Variants in PIWIL2 observed in about 807,000 individuals in gnomAD.
PIWIL2 encodes the protein piwi-like protein 2.
PIWIL2 carries 81 observed loss-of-function variants against 116.5 expected under a neutral mutation model. That is an observed-to-expected ratio of 0.70 (90% CI 0.58 to 0.84). The LOEUF (loss-of-function observed/expected upper bound fraction) is 0.84. PIWIL2 is among the 40% of genes least tolerant of loss of function. The pLI is 0.00. For synonymous variants in PIWIL2, 489 were observed against 429.5 expected (o/e 1.14, Z -1.71); for missense variants, 1,272 against 1,212.3 (o/e 1.05, Z -0.73).
chr8:22,285,925 A>G (rs1190085884), intron 6 of PIWIL2, among the ~76,000 whole-genome samples: 1 of 152,156 alleles, frequency 6.6e-6, no homozygotes, highest in African/African-American at 2.4e-5. Context: ...GATTACCGGC[A>G]TGAGCCACCA....
intron 10 of PIWIL2, among the ~76,000 whole-genome samples, chr8:22,301,737 T>TA (rs397807885): frequency 6.6e-6 from 1 of 151,942 alleles, no homozygotes; most frequent in Non-Finnish European, 1.5e-5. Flanking sequence ...TTTTTTTTTT[T>TA]AGGTTTATAG....
Position 22,304,067 on chromosome 8 carries a change from A to G in PIWIL2, c.1228A>G (p.Thr410Ala). The part of the protein sequence containing the change: ...QNKEHFQDEC[T>A]KLLVGNIVIT... Reference sequence around the variant, plus strand: ...TAAAGAACACTTCCAGGATGAGTGTACTAAGCTTCTGGTTGGCAATATTGT... The same window carrying G: ...TAAAGAACACTTCCAGGATGAGTGTGCTAAGCTTCTGGTTGGCAATATTGT... Residue 410 changes from threonine (T) to alanine (A), a missense_variant, in exon 11 of 23, where the codon ACT (threonine) becomes GCT (alanine). Transcript: ENST00000356766. The G allele has an allele frequency of 6.2e-7, 1 of 1,613,550 alleles. No homozygotes were observed. The highest frequency in any genetic ancestry group is 8.5e-7 in the Non-Finnish European group (1 of 1,179,492).
intron 20 of PIWIL2, among the ~76,000 whole-genome samples, chr8:22,346,977 C>G (rs1277048500): frequency 4.6e-5 from 7 of 151,758 alleles, no homozygotes; most frequent in Non-Finnish European, 8.8e-5. Context: ...AGTTCAAGAC[C>G]AGCCTGGACA....
chr8:22,277,112 C>T (rs1470436298), intron 1 of PIWIL2, among the ~76,000 whole-genome samples: 1 of 151,958 alleles, frequency 6.6e-6, no homozygotes, highest in Non-Finnish European at 1.5e-5. Flanking sequence ...ACCTCCGCCT[C>T]CTGGGTTCAA....
rs1586528200 is a variant in PIWIL2, at chr8:22,279,645, A to G, written c.198+61A>G. Reference sequence around the variant, plus strand: ...AGCTTACCTGTGTGCCGTCAGAGGAAGTAATGGATTTCAAAGTGCTTGCAG... The same window carrying G: ...AGCTTACCTGTGTGCCGTCAGAGGAGGTAATGGATTTCAAAGTGCTTGCAG... On this transcript the variant is annotated intron_variant, in intron 2 of 22. Transcript: ENST00000356766. 4.0e-6 allele frequency: 6 copies of G among 1,489,060 alleles called. No individual in the cohort carries two copies. The East Asian group carries it at 6.8e-5, about 17-fold the overall frequency. 92.2% of individuals were successfully genotyped at this position (1,489,060 alleles called of 1,614,324 possible). A position where few individuals can be genotyped will look rare whatever the true frequency, so the allele number is the denominator to read the frequency against.
intron 20 of PIWIL2, among the ~76,000 whole-genome samples, chr8:22,341,103 C>T (rs766186571): frequency 2.0e-5 from 3 of 152,084 alleles, no homozygotes; most frequent in Non-Finnish European, 2.9e-5. Flanking sequence ...TTTTGAGCCA[C>T]CCAGTTCATG....
intron 13 of PIWIL2, among the ~76,000 whole-genome samples, chr8:22,306,910 T>C (rs187377385): frequency 2.6e-4 from 39 of 151,026 alleles, no homozygotes; most frequent in Non-Finnish European, 4.3e-4. Flanking sequence ...AGCTGTGCAA[T>C]TCATTCATCT....
At position 22,312,347 on chromosome 8, in the gene PIWIL2, C is replaced by T. The variant is rs182221478; in HGVS notation, c.1989+1047C>T. Among the ~76,000 whole-genome samples the T allele has an allele frequency of 3.3e-5, 5 of 152,156 alleles. No individual in the cohort carries two copies. In the East Asian group the frequency reaches 9.7e-4, roughly 29 times the overall value. On this transcript the variant is annotated intron_variant, in intron 16 of 22. Transcript: ENST00000356766. ...TGGTGCGATCTTAGCTCATTGTTGC[C>T]TCAAACTCCTGGGCTCAAGCAATCC... is the stretch of plus-strand genomic sequence containing the variant.
At chr8:22,322,672 T>C (rs1275246868) in intron 20 of PIWIL2, among the ~76,000 whole-genome samples, 2 of 151,472 alleles carry the variant, frequency 1.3e-5, no homozygotes, top group African/African-American at 4.9e-5. Context: ...TTTTTTGTCC[T>C]GTCCTTTACA....
At chr8:22,317,020 T>G (rs1404625549) in intron 19 of PIWIL2, among the ~76,000 whole-genome samples, 1 of 152,122 alleles carries the variant, frequency 6.6e-6, no homozygotes, top group East Asian at 1.9e-4. Flanking sequence ...GCTTAAGTGA[T>G]CCACCTGCCT....
At chr8:22,326,436 C>G (rs1831726554) in intron 20 of PIWIL2, among the ~76,000 whole-genome samples, 1 of 152,074 alleles carries the variant, frequency 6.6e-6, no homozygotes, top group African/African-American at 2.4e-5. Context: ...GTAAGAGGAT[C>G]TCTAGTTTAA....
At chr8:22,309,812 T>C (rs1323440161) in intron 14 of PIWIL2, 149 bp from the exon 15 acceptor site, 2 of 542,178 alleles carry the variant, frequency 3.7e-6, no homozygotes, top group Non-Finnish European at 6.7e-6. Context: ...CTTTCACTGC[T>C]AGAAGCTTTA....
intron 20 of PIWIL2, among the ~76,000 whole-genome samples, chr8:22,323,001 C>A (rs1312070800): frequency 6.6e-6 from 1 of 151,930 alleles, no homozygotes; most frequent in African/African-American, 2.4e-5. Flanking sequence ...ACTGCAACTT[C>A]CGCCTCCCCG....
intron 20 of PIWIL2, among the ~76,000 whole-genome samples, chr8:22,323,430 G>A (rs897979816): frequency 6.6e-6 from 1 of 152,122 alleles, no homozygotes; most frequent in Non-Finnish European, 1.5e-5. Flanking sequence ...ATAGGCATGA[G>A]CTACCGCGCC....
chr8:22,324,809 C>T (rs1026319511), intron 20 of PIWIL2, among the ~76,000 whole-genome samples: 6 of 152,116 alleles, frequency 3.9e-5, no homozygotes, highest in African/African-American at 1.5e-4. Context: ...AATTTAGACA[C>T]AGAGGCAGAC....
At chr8:22,308,102 A>G (rs911465840) in intron 14 of PIWIL2, 29 bp downstream of exon 14, 2 of 1,586,708 alleles carry the variant, frequency 1.3e-6, no homozygotes, top group Non-Finnish European at 8.6e-7. Context: ...TGGTGTATGC[A>G]CATGTACAGA....
At chr8:22,296,055 T>G (rs1830896875) in intron 10 of PIWIL2, among the ~76,000 whole-genome samples, 2 of 97,918 alleles carry the variant, frequency 2.0e-5, no homozygotes, top group African/African-American at 4.6e-5. Flanking sequence ...TTTTTTTTTT[T>G]TTTGTTGTTG....
chr8:22,320,999 G>T (rs1396202356), intron 20 of PIWIL2, among the ~76,000 whole-genome samples: 2 of 152,104 alleles, frequency 1.3e-5, no homozygotes, highest in Non-Finnish European at 2.9e-5. Flanking sequence ...GATTTACGTT[G>T]AATTTCTAGT....
chr8:22,304,101 G>C lies in PIWIL2; in HGVS notation c.1262G>C (p.Arg421Pro), dbSNP rs147945034. Reference sequence around the variant, plus strand: ...CTGGTTGGCAATATTGTTATCACCCGATATAACAATCGTACCTATCGTATT... The same window carrying C: ...CTGGTTGGCAATATTGTTATCACCCCATATAACAATCGTACCTATCGTATT... ...KLLVGNIVIT[R>P]YNNRTYRIDD... Residue 421 changes from arginine (R) to proline (P), a missense_variant, in exon 11 of 23, where the codon CGA (arginine) becomes CCA (proline). By Grantham distance (103) the Arg-to-Pro change is moderately radical (BLOSUM62 -2). Coordinates refer to ENST00000356766, the MANE Select transcript of PIWIL2 (RefSeq NM_018068.5). 19 of 1,611,996 alleles carry C rather than the reference G, an allele frequency of 1.2e-5. No homozygotes were observed. The highest frequency in any genetic ancestry group is 1.5e-5 in the Non-Finnish European group (18 of 1,178,254).
Sources: allele counts gnomAD v4.1 joint callset (sites outside exome capture counted in the v4.1 genomes callset), GRCh38; gene constraint gnomAD v4.1.1; transcripts MANE v1.5; gene names NCBI Gene and HGNC (gene_info 2026-07-23, HGNC 2026-07-21).